The following GABPB1 variants were observed in gnomAD, a reference collection of about 807,000 sequenced individuals.
GABPB1 encodes GA-binding protein subunit beta-1.
A neutral mutation model predicts 45.9 loss-of-function variants in GABPB1; 15 were observed. That is an observed-to-expected ratio of 0.33 (90% CI 0.22 to 0.50). The LOEUF (loss-of-function observed/expected upper bound fraction) is 0.50. Among genes scored for constraint, GABPB1 ranks in the 20% least tolerant of loss-of-function variants. GABPB1 has a pLI of 0.98. For synonymous variants in GABPB1, 143 were observed against 154.4 expected (o/e 0.93, Z 0.55); for missense variants, 252 against 457.5 (o/e 0.55, Z 4.10).
At chr15:50,281,250 T>C (rs959655791) in intron 8 of GABPB1, among the ~76,000 whole-genome samples, 3 of 152,200 alleles carry the variant, frequency 2.0e-5, no homozygotes, top group Non-Finnish European at 2.9e-5. Flanking sequence ...CTTGCTCTGT[T>C]GCCCAGGCTG....
intron 1 of GABPB1, among the ~76,000 whole-genome samples, chr15:50,344,328 C>CA (rs1195427701): frequency 1.3e-5 from 2 of 152,144 alleles, no homozygotes; most frequent in Non-Finnish European, 2.9e-5. Context: ...CCCTTTCAAA[C>CA]ATTTATTCAG....
At chr15:50,301,786 C>A (rs1346426107) in intron 4 of GABPB1, among the ~76,000 whole-genome samples, 6 of 151,944 alleles carry the variant, frequency 3.9e-5, no homozygotes, top group African/African-American at 1.5e-4. Flanking sequence ...AAAAACAAAA[C>A]AAACAAAAAA....
At chr15:50,323,384 G>A (rs1159324252) in intron 1 of GABPB1, among the ~76,000 whole-genome samples, 3 of 152,014 alleles carry the variant, frequency 2.0e-5, no homozygotes. Context: ...CTCACTACAG[G>A]CCCCAGAAGA....
At chr15:50,352,433 C>T (rs568292924) in intron 1 of GABPB1, 2 of 151,768 alleles carry the variant, frequency 1.3e-5, no homozygotes, top group African/African-American at 4.8e-5. Context: ...CTCTCTGGCT[C>T]AAGCGATTCT....
chr15:50,344,974 A>G (rs535086072), intron 1 of GABPB1, among the ~76,000 whole-genome samples: 2 of 152,336 alleles, frequency 1.3e-5, no homozygotes, highest in East Asian at 3.9e-4. Flanking sequence ...AAAGTGATGG[A>G]AATTCCTTGA....
chr15:50,304,019 A>G lies in GABPB1; in HGVS notation c.223T>C (p.Leu75=). ...TGGCCCTCAGAAGCTGCCATATGTAATGGTGTTCGGTCCACTTTGGTTCTG... is the reference window on the plus strand; with the variant it reads ...TGGCCCTCAGAAGCTGCCATATGTAGTGGTGTTCGGTCCACTTTGGTTCTG... ...DARTKVDRTP[L]HMAASEGHAS... The change falls in exon 3 of 9, where the codon TTA becomes CTA. Residue 75 remains leucine, a synonymous_variant. Transcript: ENST00000380877. 6.2e-7 allele frequency: 1 copy of G among 1,613,418 alleles called. No homozygotes were observed. The highest frequency in any genetic ancestry group is 8.5e-7 in the Non-Finnish European group (1 of 1,179,698).
chr15:50,283,519 GT>G (rs926235933), intron 8 of GABPB1, among the ~76,000 whole-genome samples: 141 of 124,886 alleles, frequency 1.1e-3, no homozygotes, highest in Admixed American at 5.2e-3. Flanking sequence ...GCACCTTATT[GT>G]TTTTTTTTTT....
At chr15:50,299,171 C>T (rs1006132340) in intron 6 of GABPB1, among the ~76,000 whole-genome samples, 5 of 151,966 alleles carry the variant, frequency 3.3e-5, no homozygotes, top group African/African-American at 1.2e-4. Flanking sequence ...TTTGAAAAAA[C>T]ACTAATTTAA....
chr15:50,334,717 C>T (rs2048061315), intron 1 of GABPB1, among the ~76,000 whole-genome samples: 2 of 151,484 alleles, frequency 1.3e-5, no homozygotes, highest in South Asian at 4.2e-4. Flanking sequence ...ACCATGTTGC[C>T]CAGGCTGGCC....
intron 1 of GABPB1, among the ~76,000 whole-genome samples, chr15:50,347,783 C>T (rs542948640): frequency 7.2e-5 from 11 of 152,270 alleles, no homozygotes; most frequent in African/African-American, 2.2e-4. Flanking sequence ...AGGCTGGGCG[C>T]AGTGGCTTAT....
chr15:50,334,636 T>C (rs1411531033), intron 1 of GABPB1, among the ~76,000 whole-genome samples: 1 of 150,920 alleles, frequency 6.6e-6, no homozygotes, highest in Non-Finnish European at 1.5e-5. Flanking sequence ...GCCTCCGGAG[T>C]AGCTGGGACT....
intron 1 of GABPB1, among the ~76,000 whole-genome samples, chr15:50,319,827 G>A (rs752791752): frequency 2.6e-5 from 4 of 150,954 alleles, no homozygotes; most frequent in Admixed American, 6.7e-5. Flanking sequence ...GACAGAGTGA[G>A]ACTCCGTCTC....
chr15:50,299,855 C>T (rs1322793731), intron 6 of GABPB1, among the ~76,000 whole-genome samples: 2 of 151,288 alleles, frequency 1.3e-5, no homozygotes, highest in African/African-American at 4.9e-5. Flanking sequence ...CTCATTCAGT[C>T]GCCTAGGCTG....
At chr15:50,278,975 T>G (rs2045895341) in intron 8 of GABPB1, among the ~76,000 whole-genome samples, 191 bp from the exon 9 acceptor site, 2 of 152,116 alleles carry the variant, frequency 1.3e-5, no homozygotes, top group South Asian at 2.1e-4. Flanking sequence ...TGCTCCACAT[T>G]ATGAGATATG....
chr15:50,285,666 C>T (rs2046127947), intron 8 of GABPB1, among the ~76,000 whole-genome samples: 1 of 152,108 alleles, frequency 6.6e-6, no homozygotes, highest in Admixed American at 6.6e-5. Flanking sequence ...ACATCAACCT[C>T]CTTTAAGAGG....
intron 1 of GABPB1, among the ~76,000 whole-genome samples, chr15:50,339,480 C>G (rs1266194083): frequency 1.4e-5 from 2 of 147,902 alleles, no homozygotes; most frequent in African/African-American, 2.5e-5. Context: ...GCCTGGGCAA[C>G]AGAGTAAGAC....
chr15:50,336,380 G>T (rs1470331156), intron 1 of GABPB1, among the ~76,000 whole-genome samples: 2 of 140,082 alleles, frequency 1.4e-5, no homozygotes, highest in Non-Finnish European at 3.1e-5. Context: ...AAATTATTTT[G>T]AGATCTTTGA....
At chr15:50,296,529 G>A (rs1200318333) in intron 6 of GABPB1, among the ~76,000 whole-genome samples, 1 of 152,144 alleles carries the variant, frequency 6.6e-6, no homozygotes, top group African/African-American at 2.4e-5. Flanking sequence ...AACTGCATAG[G>A]AGAGATGGTA....
intron 1 of GABPB1, among the ~76,000 whole-genome samples, chr15:50,337,075 G>GTGCATATATATATA (rs1283881585): frequency 7.0e-5 from 1 of 14,212 alleles, no homozygotes; most frequent in African/African-American, 2.9e-4. Flanking sequence ...ATATGTGTGT[G>GTGCATATATATATA]TATATATATA....
Sources: allele counts gnomAD v4.1 joint callset (sites outside exome capture counted in the v4.1 genomes callset), GRCh38; gene constraint gnomAD v4.1.1; transcripts MANE v1.5; gene names NCBI Gene and HGNC (gene_info 2026-07-23, HGNC 2026-07-21).